The following SCRIB variants were observed in gnomAD, a reference collection of about 807,000 sequenced individuals.
SCRIB encodes protein scribble homolog.
In SCRIB, 72 loss-of-function variants were observed where a neutral mutation model predicts 170.0. That is an observed-to-expected ratio of 0.42 (90% CI 0.35 to 0.52). The LOEUF is 0.52. SCRIB is among the 20% of genes least tolerant of loss of function. The pLI is 0.02. For missense variants in SCRIB, 2,475 were observed against 2,338.5 expected (o/e 1.06, Z -1.20); for synonymous variants, 1,298 against 1,044.3 (o/e 1.24, Z -4.68).
Position 143,792,061 on chromosome 8 carries a change from C to A in SCRIB, c.4587G>T (p.Thr1529=). ...CGGCCAGTCGCTCCAGGGGCCCCCG[C>A]GTGCCCCGGCCTTCCTGGGACCTGC... The part of the protein sequence containing the change: ...VLSRSQEGRG[T]RGPLERLAEA... Residue 1529 remains threonine (T), a synonymous_variant, in exon 33 of 37, where the codon ACG becomes ACT. Transcript: ENST00000356994. The A allele has an allele frequency of 1.3e-6, 2 of 1,590,982 alleles. No homozygotes were observed.
rs947796766 is a variant in SCRIB at position 143,815,740 on chromosome 8, C to A, written c.-368G>T. The A allele has an allele frequency of 4.1e-6, 4 of 984,222 alleles. No homozygotes were observed. In the African/African-American group the frequency reaches 7.0e-5, roughly 17 times the overall value. 61.0% of individuals were successfully genotyped at this position (984,222 alleles called of 1,614,324 possible). A position where few individuals can be genotyped will look rare whatever the true frequency, so the allele number is the denominator to read the frequency against. Reference sequence around the variant, plus strand: ...CCGGACTGCCCCGCCGACACCCACCCGGCCGCCGCGCAGCCCGTCGGGAAG... The same window carrying A: ...CCGGACTGCCCCGCCGACACCCACCAGGCCGCCGCGCAGCCCGTCGGGAAG... On this transcript the variant is annotated 5_prime_UTR_variant, in exon 1 of 37. Transcript: ENST00000356994.
Position 143,797,785 on chromosome 8 carries a change from G to A in SCRIB, c.3604-2255C>T, listed in dbSNP as rs782761028. Among the ~76,000 whole-genome samples the A allele has an allele frequency of 4.6e-5, 7 of 152,244 alleles. No homozygotes were observed. The East Asian group carries it at 7.7e-4, about 17-fold the overall frequency. On this transcript the variant is annotated intron_variant, in intron 24 of 36. Transcript: ENST00000356994. ...GCAAAGACAGAGGCACGCTCCGACC[G>A]AAGGAGACTAGAGGGATGCGGTGGC...
chr8:143,814,695 T>C (rs545577104), intron 1 of SCRIB: 4 of 161,014 alleles, frequency 2.5e-5, no homozygotes, highest in South Asian at 1.9e-4. Flanking sequence ...AGAAATACTT[T>C]TTAATCTGCT....
intron 6 of SCRIB, 65 bp downstream of exon 6, chr8:143,813,245 TC>T (rs1363846403): frequency 6.2e-7 from 1 of 1,602,914 alleles, no homozygotes; most frequent in African/African-American, 1.3e-5. Flanking sequence ...CTGCTCGCTG[TC>T]CCCTTCTTTG....
intron 24 of SCRIB, among the ~76,000 whole-genome samples, chr8:143,796,270 C>A (rs1554634079): frequency 6.6e-6 from 1 of 152,188 alleles, no homozygotes; most frequent in Non-Finnish European, 1.5e-5. Flanking sequence ...TTCAAACCTC[C>A]ACCCCCAGCA....
chr8:143,812,394 G>C lies in SCRIB; in HGVS notation c.788-10C>G. ...AGCTGCTTCAGCTGACCTGGCGTCGGGGAGACAGGGGGACAAGGCTGAGCA... is the reference window on the plus strand; with the variant it reads ...AGCTGCTTCAGCTGACCTGGCGTCGCGGAGACAGGGGGACAAGGCTGAGCA... On this transcript the variant is annotated splice_polypyrimidine_tract_variant and intron_variant, in intron 8 of 36. Coordinates refer to ENST00000356994, the MANE Select transcript of SCRIB (RefSeq NM_182706.5). 1 of 1,575,894 alleles carries C rather than the reference G, an allele frequency of 6.3e-7. No individual in the cohort carries two copies. Among genetic ancestry groups the C allele is most frequent in the Non-Finnish European group, 8.7e-7 (1 of 1,145,542 alleles).
rs538024112 is a variant in SCRIB, at chr8:143,806,292, T to TG, written c.2346+114dup. On this transcript the variant is annotated intron_variant, in intron 18 of 36. Transcript: ENST00000356994. The stretch of plus-strand genomic sequence containing the variant: ...GCTTCACCCGGAAGTCTGGGTGTCC[T>TG]GTGCTTGGAACTCTTGGGGAGGCCG... The TG allele has an allele frequency of 4.0e-4, 322 of 799,284 alleles. 1 individual carries two copies. The African/African-American group carries it at 4.9e-3, about 12-fold the overall frequency. 49.5% of individuals were successfully genotyped at this position (799,284 alleles called of 1,614,324 possible). A position where few individuals can be genotyped will look rare whatever the true frequency, so the allele number is the denominator to read the frequency against.
Position 143,810,937 on chromosome 8 carries a change from G to A in SCRIB, c.1242C>T (p.Tyr414=), listed in dbSNP as rs756282916. 8.1e-6 allele frequency: 13 copies of A among 1,612,016 alleles called. No homozygotes were observed. Among genetic ancestry groups the A allele is most frequent in the Admixed American group, 1.7e-5 (1 of 60,008 alleles). ...TGGGTGGGGGCTGCTGGGGCAGCAA[G>A]TAGCAGGTGAGCACCTTCTCGCCGG... ...ARTGEKVLTC[Y]LLPQQPPPSL... Residue 414 remains tyrosine, a synonymous_variant, in exon 11 of 37, where the codon TAC becomes TAT. Coordinates refer to ENST00000356994, the MANE Select transcript of SCRIB (RefSeq NM_182706.5).
Position 143,815,249 on chromosome 8 carries a change from G to A in SCRIB, c.124C>T (p.Leu42=), listed in dbSNP as rs531788770. The change falls in exon 1 of 37, where the codon CTG becomes TTG. Residue 42 remains leucine (L), a synonymous_variant. Coordinates refer to ENST00000356994, the MANE Select transcript of SCRIB (RefSeq NM_182706.5). ...YRYSRSLEEL[L]LDANQLRELP... ...TCGCGCAGCTGGTTGGCGTCGAGCA[G>A]CAGCTCCTCCAGGCTGCGGCTGTAG... 1.3e-6 allele frequency: 2 copies of A among 1,594,922 alleles called. No individual in the cohort carries two copies. Among genetic ancestry groups the A allele is most frequent in the East Asian group, 4.6e-5 (2 of 43,254 alleles).
intron 24 of SCRIB, among the ~76,000 whole-genome samples, chr8:143,799,506 G>T (rs1177090970): frequency 6.6e-6 from 1 of 152,218 alleles, no homozygotes; most frequent in Non-Finnish European, 1.5e-5. Flanking sequence ...GAGAGGACTT[G>T]CGTCCTCATG....
At position 143,815,495 on chromosome 8, in the gene SCRIB, G is replaced by C; in HGVS notation, c.-123C>G. 1.0e-6 allele frequency: 1 copy of C among 996,868 alleles called. No homozygotes were observed. Among genetic ancestry groups the C allele is most frequent in the Non-Finnish European group, 1.2e-6 (1 of 838,536 alleles). The allele number at this position is 996,868 out of a possible 1,614,324, so 61.8% of individuals were successfully genotyped here. On this transcript the variant is annotated 5_prime_UTR_variant, in exon 1 of 37. Coordinates refer to ENST00000356994, the MANE Select transcript of SCRIB (RefSeq NM_182706.5). ...GGCGCAGGCAGGGGGCGGGCCGCCCGAGACTGGACGGGGACGCGGCCGCGG... is the reference window on the plus strand; with the variant it reads ...GGCGCAGGCAGGGGGCGGGCCGCCCCAGACTGGACGGGGACGCGGCCGCGG...
rs201706555 is a variant in SCRIB, at chr8:143,809,726, G to A, written c.1531-8C>T. On this transcript the variant is annotated splice_polypyrimidine_tract_variant and splice_region_variant and intron_variant, in intron 13 of 36. Transcript: ENST00000356994. ...GGCACTCAGCCGCTTCTCCTGCGGC[G>A]GGAAGTGGGGTCAGGCTTCGACGGA... 26 of 1,605,902 alleles carry A rather than the reference G, an allele frequency of 1.6e-5. No homozygotes were observed. Among genetic ancestry groups the A allele is most frequent in the East Asian group, 8.9e-5 (4 of 44,812 alleles).
chr8:143,813,821 G>A lies in SCRIB; in HGVS notation c.353C>T (p.Ser118Phe). The A allele has an allele frequency of 6.2e-7, 1 of 1,609,236 alleles. No homozygotes were observed. ...CCCACCACAGGCTGCCACCCACCTG[G>A]AGAGGGGGTTCCCGCTGAAGTCCGC... ...EIADFSGNPL[S>F]RLPDGFTQLR... Residue 118 changes from serine (S) to phenylalanine (F), a missense_variant, in exon 3 of 37, where the codon TCC becomes TTC. Transcript: ENST00000356994.
intron 28 of SCRIB, 76 bp downstream of exon 28, chr8:143,793,824 G>GGGGCCCTGTGCACAGCGGCCAT: frequency 7.0e-7 from 1 of 1,434,626 alleles, no homozygotes; most frequent in Non-Finnish European, 9.7e-7. Context: ...CCCTGGAGGA[G>GGGGCCCTGTGCACAGCGGCCAT]GGGCCCTGTG....
intron 24 of SCRIB, among the ~76,000 whole-genome samples, chr8:143,799,819 G>A (rs541652386): frequency 2.6e-4 from 38 of 147,946 alleles, no homozygotes; most frequent in African/African-American, 9.8e-4. Flanking sequence ...AGCAGGAGAC[G>A]TAGGCTCTGA....
rs767533049 is a variant in SCRIB at position 143,814,097 on chromosome 8, A to G, written c.181T>C (p.Leu61=). The change falls in exon 2 of 37, where the codon TTG becomes CTG. Residue 61 remains leucine, a synonymous_variant. Transcript: ENST00000356994. Reference sequence around the variant, plus strand: ...TTGTCGCTCAGGCCCAGCTTGCGCAAGTTCAGCAGCCGGAAAAAAGGCTGT... The same window carrying G: ...TTGTCGCTCAGGCCCAGCTTGCGCAGGTTCAGCAGCCGGAAAAAAGGCTGT... ...LPKPFFRLLN[L]RKLGLSDNEI... 5.1e-6 allele frequency: 8 copies of G among 1,553,928 alleles called. No homozygotes were observed. Among genetic ancestry groups the G allele is most frequent in the Admixed American group, 3.9e-5 (2 of 51,542 alleles).
chr8:143,802,512 G>C (rs1815216709), intron 24 of SCRIB, among the ~76,000 whole-genome samples: 1 of 152,250 alleles, frequency 6.6e-6, no homozygotes, highest in Non-Finnish European at 1.5e-5. Flanking sequence ...GGGAGGAGCA[G>C]ATGGCCCCTC....
chr8:143,794,297 C>T (rs2130000497), intron 27 of SCRIB: 1 of 340,576 alleles, frequency 2.9e-6, no homozygotes, highest in East Asian at 4.8e-5. Flanking sequence ...GGTGGGGAGC[C>T]CCTACTTGTG....
In SCRIB at chr8:143,810,514, G is replaced by A; in HGVS notation, c.1495C>T (p.Gln499Ter). The A allele has an allele frequency of 5.6e-6, 9 of 1,612,144 alleles. No homozygotes were observed. The highest frequency in any genetic ancestry group is 7.6e-6 in the Non-Finnish European group (9 of 1,179,920). ...GGCAAGGGCGACCCAGAGTCTGGCT[G>A]GCAAGGGCAGGCCTCGCTCCGCCGC... is the stretch of plus-strand genomic sequence containing the variant. ...EGRRSEACPC[Q>*]PDSGSPLPAE... is the part of the protein sequence containing the mutation. The change falls in exon 13 of 37, where the codon CAG becomes TAG. Residue 499 changes from glutamine (Q) to a stop codon, truncating the protein, a stop_gained. Transcript: ENST00000356994. LOFTEE classifies it high-confidence loss of function.
Sources: gnomAD v4.1 joint callset for allele counts (sites outside exome capture counted in the v4.1 genomes callset) on GRCh38, gnomAD v4.1.1 for gene constraint, MANE v1.5 for transcripts, NCBI Gene and HGNC (gene_info 2026-07-23, HGNC 2026-07-21) for gene names.